The following CFAP20DC variants were observed in gnomAD, a reference collection of about 807,000 sequenced individuals.
CFAP20DC encodes protein CFAP20DC.
In CFAP20DC, 84 loss-of-function variants were observed where a neutral mutation model predicts 101.7. That is an observed-to-expected ratio of 0.83 (90% CI 0.69 to 0.99). The LOEUF (loss-of-function observed/expected upper bound fraction) is 0.99. CFAP20DC is among the 50% of genes least tolerant of loss of function. CFAP20DC has a pLI of 0.00. For synonymous variants in CFAP20DC, 359 were observed against 351.2 expected (o/e 1.02, Z -0.25); for missense variants, 1,007 against 970.3 (o/e 1.04, Z -0.50).
chr3:58,852,239 T>A (rs1028367656), intron 12 of CFAP20DC, among the ~76,000 whole-genome samples: 1 of 152,050 alleles, frequency 6.6e-6, no homozygotes, highest in African/African-American at 2.4e-5. Flanking sequence ...TGTTTAAAAT[T>A]TCCATTGAAA....
intron 4 of CFAP20DC, among the ~76,000 whole-genome samples, chr3:58,965,366 A>G (rs953540089): frequency 2.0e-5 from 3 of 152,238 alleles, no homozygotes; most frequent in Admixed American, 6.5e-5. Context: ...AAAGAGTGAA[A>G]AACATGAGCA....
rs1422131910 is a variant in CFAP20DC, at chr3:58,864,837, A to G, written c.1259-945T>C. 6.6e-6 allele frequency among the ~76,000 whole-genome samples: 1 copy of G among 152,208 alleles called. No individual in the cohort carries two copies. The highest frequency in any genetic ancestry group is 1.5e-5 in the Non-Finnish European group (1 of 68,026). On this transcript the variant is annotated intron_variant, in intron 11 of 16. Coordinates refer to ENST00000482387, the MANE Select transcript of CFAP20DC (RefSeq NM_001394063.1). This position sits in a 1 kb window ranked among gnomAD's most constrained non-coding sequence, Gnocchi z 4.7. ...TGAAAAAGGTCTTTAAGTTTACAAGAGACAATGTTTTGATATAAAAACCTT... is the reference window on the plus strand; with the variant it reads ...TGAAAAAGGTCTTTAAGTTTACAAGGGACAATGTTTTGATATAAAAACCTT...
intron 5 of CFAP20DC, among the ~76,000 whole-genome samples, chr3:58,926,971 T>G (rs2107613226): frequency 6.6e-6 from 1 of 152,338 alleles, no homozygotes; most frequent in Non-Finnish European, 1.5e-5. Flanking sequence ...GACATTGATG[T>G]TCATCTGACA....
At position 58,868,894 on chromosome 3, in the gene CFAP20DC, T is replaced by C. The variant is rs971862409; in HGVS notation, c.1015+434A>G. 1.3e-5 allele frequency among the ~76,000 whole-genome samples: 2 copies of C among 152,190 alleles called. No homozygotes were observed. The highest frequency in any genetic ancestry group is 6.5e-5 in the Admixed American group (1 of 15,278). On this transcript the variant is annotated intron_variant, in intron 9 of 16. Coordinates refer to ENST00000482387, the MANE Select transcript of CFAP20DC (RefSeq NM_001394063.1). The surrounding 1 kb of genome is among the most constrained non-coding windows in gnomAD (Gnocchi z 4.6). ...TGACTTTAAATCTCTATCTGTAAAA[T>C]GGAACAAAAATCCTTTTTCACTTAC...
At chr3:58,851,224 G>A (rs1014713223) in intron 12 of CFAP20DC, among the ~76,000 whole-genome samples, 23 of 152,124 alleles carry the variant, frequency 1.5e-4, no homozygotes, top group Non-Finnish European at 1.2e-4. Context: ...CACAATAGAA[G>A]GCATGGGTAT....
chr3:58,834,151 A>T (rs1279848654), intron 13 of CFAP20DC, among the ~76,000 whole-genome samples: 1 of 152,202 alleles, frequency 6.6e-6, no homozygotes, highest in Admixed American at 6.5e-5. Context: ...GAATATACTA[A>T]GAACTCCCGA....
At chr3:59,016,302 GA>G (rs1268940083) in intron 4 of CFAP20DC, among the ~76,000 whole-genome samples, 1 of 152,086 alleles carries the variant, frequency 6.6e-6, no homozygotes, top group East Asian at 1.9e-4. Flanking sequence ...AGTGACAACA[GA>G]AAGATGTTGT....
chr3:58,973,090 T>C (rs562554186), intron 4 of CFAP20DC, among the ~76,000 whole-genome samples: 24 of 152,356 alleles, frequency 1.6e-4, no homozygotes, highest in Non-Finnish European at 3.2e-4. Context: ...TTTAATTTTT[T>C]AGAAATTCTT....
intron 4 of CFAP20DC, among the ~76,000 whole-genome samples, chr3:58,947,249 G>A (rs536141758): frequency 1.3e-5 from 2 of 152,274 alleles, no homozygotes; most frequent in East Asian, 3.9e-4. Context: ...TATAAGACCA[G>A]CCAAAACTCC....
intron 4 of CFAP20DC, among the ~76,000 whole-genome samples, chr3:59,009,757 T>G (rs1413547344): frequency 6.6e-6 from 1 of 152,114 alleles, no homozygotes; most frequent in African/African-American, 2.4e-5. Flanking sequence ...GATCATCACC[T>G]AGGCACACAG....
intron 5 of CFAP20DC, among the ~76,000 whole-genome samples, chr3:58,921,630 T>G: frequency 6.6e-6 from 1 of 152,212 alleles, no homozygotes; most frequent in Middle Eastern, 3.2e-3. Flanking sequence ...TTTAAATTTG[T>G]TAAATATGGC....
rs2084359151 is a variant in CFAP20DC, at chr3:58,913,514, C to CT, written c.550+193dup. 3.2e-6 allele frequency: 2 copies of CT among 621,014 alleles called. No homozygotes were observed. The highest frequency in any genetic ancestry group is 2.9e-5 in the Admixed American group (1 of 34,178). 38.5% of individuals were successfully genotyped at this position (621,014 alleles called of 1,614,324 possible). ...ACAACCACAAAAAGAAGATTAATAC[C>CT]TTTTTTGTGACATTCAGCTATAGTA... On this transcript the variant is annotated intron_variant, in intron 6 of 16. Transcript: ENST00000482387. The surrounding 1 kb of genome is among the most constrained non-coding windows in gnomAD (Gnocchi z 4.4).
chr3:58,833,120 C>T (rs2076508237), intron 13 of CFAP20DC, among the ~76,000 whole-genome samples: 1 of 151,974 alleles, frequency 6.6e-6, no homozygotes, highest in Non-Finnish European at 1.5e-5. Context: ...TCTTGGAGTT[C>T]CTATGACATT....
At chr3:58,720,236 C>T (rs758473955) in intron 3 of CFAP20DC, among the ~76,000 whole-genome samples, 6 of 152,190 alleles carry the variant, frequency 3.9e-5, no homozygotes, top group Non-Finnish European at 8.8e-5. Flanking sequence ...CAGAGCAAGG[C>T]CTGGCAGAAA....
intron 15 of CFAP20DC, among the ~76,000 whole-genome samples, chr3:58,761,178 G>T (rs558974712): frequency 6.6e-6 from 1 of 152,110 alleles, no homozygotes; most frequent in African/African-American, 2.4e-5. Context: ...ACTTTTTTTG[G>T]TTGGTAAGCT....
At chr3:58,960,485 C>A (rs1251718069) in intron 4 of CFAP20DC, among the ~76,000 whole-genome samples, 2 of 145,422 alleles carry the variant, frequency 1.4e-5, no homozygotes, top group Non-Finnish European at 3.0e-5. Flanking sequence ...CAGCAAGACT[C>A]TGTCTCAAAA....
chr3:58,877,870 GT>G (rs2080884982), intron 7 of CFAP20DC, among the ~76,000 whole-genome samples: 3 of 152,144 alleles, frequency 2.0e-5, no homozygotes, highest in Non-Finnish European at 2.9e-5. Flanking sequence ...GACTAATGGG[GT>G]TTATGAGGAA....
At chr3:58,930,009 C>T (rs1392177053) in intron 5 of CFAP20DC, among the ~76,000 whole-genome samples, 1 of 152,136 alleles carries the variant, frequency 6.6e-6, no homozygotes, top group Non-Finnish European at 1.5e-5. Context: ...GCACTACTCT[C>T]CCCTTCTTCA....
rs566140548 is a variant in CFAP20DC, at chr3:58,809,454, T to C, written c.2176-2998A>G. ...GAACAACCTGCTCCTGAATGACTAC[T>C]GGGTACATAACGAAATGAAGGCAGA... On this transcript the variant is annotated intron_variant, in intron 14 of 16. Coordinates refer to ENST00000482387, the MANE Select transcript of CFAP20DC (RefSeq NM_001394063.1). 5.2e-4 allele frequency among the ~76,000 whole-genome samples: 79 copies of C among 152,178 alleles called. 2 individuals are homozygous for C. The highest frequency in any genetic ancestry group is 1.9e-3 in the African/African-American group (78 of 41,524).
Sources: gnomAD v4.1 joint callset for allele counts (sites outside exome capture counted in the v4.1 genomes callset) on GRCh38, gnomAD v4.1.1 for gene constraint, Gnocchi (gnomAD v3.1) non-coding constraint, MANE v1.5 for transcripts, NCBI Gene and HGNC (gene_info 2026-07-23, HGNC 2026-07-21) for gene names.